Variants in KCTD15 observed in about 807,000 individuals in gnomAD.
KCTD15 encodes the protein BTB/POZ domain-containing protein KCTD15.
KCTD15 carries 11 observed loss-of-function variants against 27.2 expected under a neutral mutation model. That is an observed-to-expected ratio of 0.41 (90% CI 0.25 to 0.67). KCTD15 has a LOEUF of 0.67. Among genes scored for constraint, KCTD15 ranks in the 30% least tolerant of loss-of-function variants. The pLI is 0.35. For synonymous variants in KCTD15, 163 were observed against 176.0 expected (o/e 0.93, Z 0.58); for missense variants, 350 against 409.3 (o/e 0.86, Z 1.25).
At chr19:33,811,153 A>C in intron 5 of KCTD15, 94 bp from the exon 6 acceptor site, 1 of 1,079,762 alleles carries the variant, frequency 9.3e-7, no homozygotes, top group Non-Finnish European at 1.3e-6. Context: ...TTCCTGCAGA[A>C]TTGGTTGGAA....
intron 4 of KCTD15, 35 bp from the exon 5 acceptor site, chr19:33,806,828 C>G (rs1975726028): frequency 1.9e-6 from 3 of 1,606,492 alleles, no homozygotes; most frequent in East Asian, 2.2e-5. Context: ...TTGTCCCCAT[C>G]CCTTCAGACA....
upstream of KCTD15, among the ~76,000 whole-genome samples, chr19:33,794,483 C>T (rs1333274163): frequency 6.6e-6 from 1 of 152,148 alleles, no homozygotes; most frequent in Non-Finnish European, 1.5e-5. Flanking sequence ...GAAACAAAGG[C>T]GTTACCGCAG....
At chr19:33,796,312 G>A (rs1016516132), upstream of KCTD15, 3 of 150,444 alleles carry the variant, frequency 2.0e-5, no homozygotes, top group Non-Finnish European at 4.4e-5. Flanking sequence ...TGGGGCCTGG[G>A]CGCACCGCTC....
chr19:33,813,488 C>A lies in KCTD15; in HGVS notation c.*540C>A, dbSNP rs928539545. 2.1e-5 allele frequency: 9 copies of A among 436,064 alleles called. No individual in the cohort carries two copies. The highest frequency in any genetic ancestry group is 3.7e-5 in the Non-Finnish European group (8 of 217,508). The allele number at this position is 436,064 out of a possible 1,614,324, so 27.0% of individuals were successfully genotyped here. On this transcript the variant is annotated 3_prime_UTR_variant, in exon 7 of 7. Transcript: ENST00000683859. The stretch of plus-strand genomic sequence containing the variant: ...CATGGCTGCAGGGTGGACCAGCTGC[C>A]TGGCATTCAGGCCCAGATGCCTGCA...
At chr19:33,811,684 A>G (rs1568383518) in intron 6 of KCTD15, 132 bp downstream of exon 6, 4 of 1,521,310 alleles carry the variant, frequency 2.6e-6, no homozygotes, top group Non-Finnish European at 3.6e-6. Flanking sequence ...CAAAAAAGGC[A>G]ACAATGTGTC....
intron 5 of KCTD15, among the ~76,000 whole-genome samples, chr19:33,809,526 C>A (rs1383083187): frequency 1.3e-5 from 2 of 151,886 alleles, no homozygotes; most frequent in African/African-American, 4.8e-5. Context: ...ATGGAGAAAT[C>A]CTGGGCCATG....
chr19:33,799,765 CACTCTGGG>C (rs1975468050), intron 2 of KCTD15: 1 of 152,398 alleles, frequency 6.6e-6, no homozygotes, highest in Non-Finnish European at 1.5e-5. Context: ...TAGACAACAC[CACTCTGGG>C]AGTCTGGGGA....
At chr19:33,810,400 A>G (rs530682828) in intron 5 of KCTD15, among the ~76,000 whole-genome samples, 12 of 152,286 alleles carry the variant, frequency 7.9e-5, no homozygotes, top group Non-Finnish European at 1.3e-4. Flanking sequence ...CATTTTATAC[A>G]TAAGGGAACT....
chr19:33,810,929 G>A (rs1417092904), intron 5 of KCTD15, among the ~76,000 whole-genome samples: 3 of 152,148 alleles, frequency 2.0e-5, no homozygotes, highest in South Asian at 2.1e-4. Flanking sequence ...GCACAGCCTC[G>A]TCCTTTAGTG....
At position 33,801,200 on chromosome 19, in the gene KCTD15, C is replaced by T. The variant is rs1167737825; in HGVS notation, c.100C>T (p.Arg34Trp). 2 of 1,611,772 alleles carry T rather than the reference C, an allele frequency of 1.2e-6. No individual in the cohort carries two copies. The highest frequency in any genetic ancestry group is 1.7e-6 in the Non-Finnish European group (2 of 1,178,920). ...GGNMSRLSLT[R>W]SPVSPLAAQG... is the part of the protein sequence containing the mutation. ...AAACATGTCCCGGCTGTCTCTCACC[C>T]GGTCGCCTGTGTCTCCCCTGGCTGC... is the stretch of plus-strand genomic sequence containing the variant. Residue 34 changes from arginine to tryptophan, a missense_variant, in exon 4 of 7, where the codon CGG becomes TGG. Transcript: ENST00000683859.
chr19:33,806,864 A>G lies in KCTD15; in HGVS notation c.244A>G (p.Ile82Val), dbSNP rs902916086. The change falls in exon 5 of 7, where the codon ATA (isoleucine) becomes GTA (valine). Residue 82 changes from isoleucine to valine, a missense_variant and splice_region_variant. Ile to Val is a conservative substitution (Grantham distance 29). This residue lies in a region of KCTD15 where 54 missense variants were observed against 101.8 expected (regional missense o/e 0.53). Coordinates refer to ENST00000683859, the MANE Select transcript of KCTD15 (RefSeq NM_001129994.2). Reference protein sequence around the residue: ...ATLTKYPDSRISRLFNGTEPI... With the variant: ...ATLTKYPDSRVSRLFNGTEPI... ...TCCCACCTCGCCTGTCTCTCCCAGGATAAGCCGCCTCTTCAATGGCACTGA... is the reference window on the plus strand; with the variant it reads ...TCCCACCTCGCCTGTCTCTCCCAGGGTAAGCCGCCTCTTCAATGGCACTGA... 3.1e-6 allele frequency: 5 copies of G among 1,613,646 alleles called. No homozygotes were observed. The highest frequency in any genetic ancestry group is 2.2e-5 in the East Asian group (1 of 44,882).
intron 1 of KCTD15, among the ~76,000 whole-genome samples, chr19:33,797,217 C>T (rs1975346953): frequency 1.3e-5 from 2 of 151,768 alleles, no homozygotes; most frequent in African/African-American, 4.8e-5. Flanking sequence ...ACCCTCCCCA[C>T]GCGGGCGGTC....
At chr19:33,806,788 T>A (rs532845294) in intron 4 of KCTD15, 75 bp from the exon 5 acceptor site, 1 of 1,538,878 alleles carries the variant, frequency 6.5e-7, no homozygotes, top group South Asian at 1.2e-5. Context: ...CCCTCAGGAG[T>A]GGGGGCGGGG....
upstream of KCTD15, among the ~76,000 whole-genome samples, chr19:33,794,224 A>G (rs1265789802): frequency 6.6e-6 from 1 of 152,210 alleles, no homozygotes; most frequent in Non-Finnish European, 1.5e-5. Flanking sequence ...TCATATTAAA[A>G]CCAATCTCAT....
At position 33,814,250 on chromosome 19, in the gene KCTD15, A is replaced by AG. The variant is rs1976029658; in HGVS notation, c.*1304dup. On this transcript the variant is annotated 3_prime_UTR_variant, in exon 7 of 7. Coordinates refer to ENST00000683859, the MANE Select transcript of KCTD15 (RefSeq NM_001129994.2). ...ATGATGCTCTCAAGCAAAAGACTGG[A>AG]GGCTCTGTCCTGTGCAGAAGCAGCA... The AG allele has an allele frequency of 6.6e-6, 1 of 152,568 alleles. No homozygotes were observed. Among genetic ancestry groups the AG allele is most frequent in the African/African-American group, 2.4e-5 (1 of 41,432 alleles). The allele number at this position is 152,568 out of a possible 1,614,324, so 9.5% of individuals were successfully genotyped here. A position where few individuals can be genotyped will look rare whatever the true frequency, so the allele number is the denominator to read the frequency against.
At chr19:33,809,925 C>T (rs79332124) in intron 5 of KCTD15, among the ~76,000 whole-genome samples, 3,535 of 152,188 alleles carry the variant, frequency 0.023, 43 homozygotes, top group African/African-American at 0.032. Flanking sequence ...AGCAGAGGCC[C>T]AGGATAGAGC....
At chr19:33,795,334 C>A (rs919149217), upstream of KCTD15, among the ~76,000 whole-genome samples, 1 of 152,184 alleles carries the variant, frequency 6.6e-6, no homozygotes, top group African/African-American at 2.4e-5. Context: ...GCTCTCTCCA[C>A]GCGCGCGAGG....
intron 5 of KCTD15, 95 bp downstream of exon 5, chr19:33,807,102 G>T: frequency 2.2e-5 from 31 of 1,406,576 alleles, no homozygotes; most frequent in African/African-American, 1.4e-5. Context: ...GGTTGTCATG[G>T]TAACCATAAA....
At chr19:33,807,290 A>T (rs949185460) in intron 5 of KCTD15, among the ~76,000 whole-genome samples, 1 of 152,262 alleles carries the variant, frequency 6.6e-6, no homozygotes, top group African/African-American at 2.4e-5. Context: ...TTAGAGGTTC[A>T]TAAATCTGTT....
Sources: allele counts gnomAD v4.1 joint callset (sites outside exome capture counted in the v4.1 genomes callset), GRCh38; gene constraint gnomAD v4.1.1; regional missense constraint gnomAD v4.1.1; transcripts MANE v1.5; gene names NCBI Gene and HGNC (gene_info 2026-07-23, HGNC 2026-07-21).